Variants in OR10A6 observed in about 807,000 individuals in gnomAD.
OR10A6 encodes the protein olfactory receptor 10A6.
A neutral mutation model predicts 1.5 loss-of-function variants in OR10A6; 2 were observed. The observed-to-expected ratio is 1.31, with a 90% CI of 0.54 to 4.13. OR10A6 has a LOEUF of 4.13. Ranked by LOEUF, OR10A6 falls within the 30% of genes most tolerant of loss-of-function variation. The probability of loss-of-function intolerance (pLI) is 0.07; values close to 1 mark genes in which losing one functional copy is unlikely to be tolerated. For synonymous variants in OR10A6, 169 were observed against 137.3 expected (o/e 1.23, Z -1.61); for missense variants, 492 against 368.6 (o/e 1.33, Z -2.74).
chr11:7,928,546 C>T lies in OR10A6; in HGVS notation c.117G>A (p.Leu39=). 1 of 1,613,724 alleles carries T rather than the reference C, an allele frequency of 6.2e-7. No homozygotes were observed. Among genetic ancestry groups the T allele is most frequent in the South Asian group, 1.1e-5 (1 of 91,064 alleles). ...VAFLVIYLVT[L]IGNAIIIVIV... ...TGACTATAATAATGGCATTTCCTAT[C>T]AGGGTCACCAGATAAATAACCAGGA... is the stretch of plus-strand genomic sequence containing the variant. Residue 39 remains leucine (L), a synonymous_variant, in exon 4 of 4, where the codon CTG becomes CTA. Transcript: ENST00000641238.
intron 3 of OR10A6, 102 bp from the exon 4 acceptor site, chr11:7,930,617 G>C (rs1189000689): frequency 5.9e-5 from 9 of 152,050 alleles, no homozygotes; most frequent in East Asian, 1.9e-4. Context: ...CACAAAAATT[G>C]TACTGTATTT....
chr11:7,926,576 A>C lies in OR10A6; in HGVS notation c.*1142T>G, dbSNP rs1050762070. 1 of 152,104 alleles carries C rather than the reference A, an allele frequency of 6.6e-6. No individual in the cohort carries two copies. Among genetic ancestry groups the C allele is most frequent in the African/African-American group, 2.4e-5 (1 of 41,426 alleles). 9.4% of individuals were successfully genotyped at this position (152,104 alleles called of 1,614,324 possible). The stretch of plus-strand genomic sequence containing the variant: ...AAAAGAAGGGTTTTCCATCCAATGA[A>C]TGATTGTTTTGTAGAAGTGTTCTAA... On this transcript the variant is annotated 3_prime_UTR_variant, in exon 4 of 4. Transcript: ENST00000641238.
In OR10A6 at chr11:7,930,258, G is replaced by A. The variant is rs1399806869; in HGVS notation, c.-1596C>T. 2.0e-5 allele frequency: 3 copies of A among 151,886 alleles called. No individual in the cohort carries two copies. The highest frequency in any genetic ancestry group is 2.1e-4 in the South Asian group (1 of 4,806). 9.4% of individuals were successfully genotyped at this position (151,886 alleles called of 1,614,324 possible). The stretch of plus-strand genomic sequence containing the variant: ...GTAAGGGAATGATGACATTTGAAGG[G>A]GGTGGAGGATGAACAAACACAATCA... On this transcript the variant is annotated 5_prime_UTR_variant, in exon 4 of 4. Transcript: ENST00000641238.
In OR10A6 at chr11:7,925,710, T is replaced by C. The variant is rs1470670931; in HGVS notation, c.*2008A>G. ...TTCGTTTTACATAAGTCTTACTTAATTGGTTCTTTTAAAAGCTATCAGAAG... is the reference window on the plus strand; with the variant it reads ...TTCGTTTTACATAAGTCTTACTTAACTGGTTCTTTTAAAAGCTATCAGAAG... On this transcript the variant is annotated 3_prime_UTR_variant, in exon 4 of 4. Transcript: ENST00000641238. The C allele has an allele frequency of 1.3e-5, 2 of 152,240 alleles. No homozygotes were observed. The highest frequency in any genetic ancestry group is 2.9e-5 in the Non-Finnish European group (2 of 68,042). The allele number at this position is 152,240 out of a possible 1,614,324, so 9.4% of individuals were successfully genotyped here.
rs1030130520 is a variant in OR10A6 at position 7,928,881 on chromosome 11, C to T, written c.-219G>A. The stretch of plus-strand genomic sequence containing the variant: ...AAAATAGAAATGAAGAATTCTGGCT[C>T]AGAGATCTTGTCAAATAATATCAAA... On this transcript the variant is annotated 5_prime_UTR_variant, in exon 4 of 4. Coordinates refer to ENST00000641238, the MANE Select transcript of OR10A6 (RefSeq NM_001004461.2). 2.5e-6 allele frequency: 1 copy of T among 402,868 alleles called. No homozygotes were observed. The highest frequency in any genetic ancestry group is 4.1e-5 in the Admixed American group (1 of 24,128). 25.0% of individuals were successfully genotyped at this position (402,868 alleles called of 1,614,324 possible).
At position 7,929,595 on chromosome 11, in the gene OR10A6, A is replaced by G. The variant is rs1859484934; in HGVS notation, c.-933T>C. On this transcript the variant is annotated 5_prime_UTR_variant, in exon 4 of 4. Transcript: ENST00000641238. ...GGAATACACATGAATCCAGAGCTCA[A>G]CAGAGAGCTAAGCACACTACATAAA... is the stretch of plus-strand genomic sequence containing the variant. 1 of 151,412 alleles carries G rather than the reference A, an allele frequency of 6.6e-6. No homozygotes were observed. The highest frequency in any genetic ancestry group is 1.5e-5 in the Non-Finnish European group (1 of 67,852). 9.4% of individuals were successfully genotyped at this position (151,412 alleles called of 1,614,324 possible). A position where few individuals can be genotyped will look rare whatever the true frequency, so the allele number is the denominator to read the frequency against.
In OR10A6 at chr11:7,929,966, G is replaced by GTATATATATGTGTGTGTATATATATA. The variant is rs58402229; in HGVS notation, c.-1305_-1304insTATATATATACACACACATATATATA. ...TCTAGTAAGGTATGTGTATGTGTAT[G>GTATATATATGTGTGTGTATATATATA]TATATATATATATATATATATATAT... On this transcript the variant is annotated 5_prime_UTR_variant, in exon 4 of 4. Transcript: ENST00000641238. The GTATATATATGTGTGTGTATATATATA allele has an allele frequency of 1.7e-5, 1 of 57,262 alleles. No individual in the cohort carries two copies. Among genetic ancestry groups the GTATATATATGTGTGTGTATATATATA allele is most frequent in the Non-Finnish European group, 3.2e-5 (1 of 31,394 alleles). 3.5% of individuals were successfully genotyped at this position (57,262 alleles called of 1,614,324 possible).
chr11:7,929,366 C>T lies in OR10A6; in HGVS notation c.-704G>A, dbSNP rs931726586. 3 of 152,096 alleles carry T rather than the reference C, an allele frequency of 2.0e-5. No homozygotes were observed. Among genetic ancestry groups the T allele is most frequent in the Non-Finnish European group, 4.4e-5 (3 of 68,002 alleles). 9.4% of individuals were successfully genotyped at this position (152,096 alleles called of 1,614,324 possible). ...GGATGTGAAGTTTTTGGGGCCAGAT[C>T]TCCAAGGTCTATCCTTCTGACCATG... On this transcript the variant is annotated 5_prime_UTR_variant, in exon 4 of 4. Coordinates refer to ENST00000641238, the MANE Select transcript of OR10A6 (RefSeq NM_001004461.2).
rs149310161 is a variant in OR10A6 at position 7,928,298 on chromosome 11, C to A, written c.365G>T (p.Arg122Leu). Residue 122 changes from arginine (R) to leucine (L), a missense_variant, in exon 4 of 4, where the codon CGA (arginine) becomes CTA (leucine). Transcript: ENST00000641238. ...GAGAGGATGGCAAATTGCAGCAAAT[C>A]GGTCATAAGCCATTGCTCCCAGAAG... is the stretch of plus-strand genomic sequence containing the variant. ...CFLLGAMAYDRFAAICHPLNY... is the reference protein window; with the variant it reads ...CFLLGAMAYDLFAAICHPLNY... 322 of 1,613,740 alleles carry A rather than the reference C, an allele frequency of 2.0e-4. 1 individual carries two copies. In the African/African-American group the frequency reaches 3.8e-3, roughly 19 times the overall value.
rs1287255751 is a variant in OR10A6 at position 7,927,555 on chromosome 11, C to G, written c.*163G>C. ...TATGCACTGGTGAAAAAACTAAAAA[C>G]ATTAACATATAAAGATGCTCCTGAT... On this transcript the variant is annotated 3_prime_UTR_variant, in exon 4 of 4. Transcript: ENST00000641238. 1.1e-5 allele frequency: 6 copies of G among 535,336 alleles called. No homozygotes were observed. The African/African-American group carries it at 1.1e-4, about 10-fold the overall frequency. 33.2% of individuals were successfully genotyped at this position (535,336 alleles called of 1,614,324 possible). A position where few individuals can be genotyped will look rare whatever the true frequency, so the allele number is the denominator to read the frequency against.
In OR10A6 at chr11:7,928,129, A is replaced by G. The variant is rs1564866289; in HGVS notation, c.534T>C (p.Ser178=). The change falls in exon 4 of 4, where the codon TCT becomes TCC. Residue 178 remains serine (S), a synonymous_variant. Coordinates refer to ENST00000641238, the MANE Select transcript of OR10A6 (RefSeq NM_001004461.2). ...FCGLNEINHI[S]CETPAVLELA... The stretch of plus-strand genomic sequence containing the variant: ...GTTCTAACACTGCTGGGGTTTCACA[A>G]GATATATGGTTAATTTCATTAAGGC... 1 of 1,614,066 alleles carries G rather than the reference A, an allele frequency of 6.2e-7. No homozygotes were observed. The highest frequency in any genetic ancestry group is 8.5e-7 in the Non-Finnish European group (1 of 1,179,994).
Position 7,928,526 on chromosome 11 carries a change from A to G in OR10A6, c.137T>C (p.Ile46Thr), listed in dbSNP as rs377657725. ...LVTLIGNAII[I>T]VIVSLDQSLH... is the part of the protein sequence containing the mutation. ...GCTCTGGTCTAGGGAGACGATGACT[A>G]TAATAATGGCATTTCCTATCAGGGT... Residue 46 changes from isoleucine (I) to threonine (T), a missense_variant, in exon 4 of 4, where the codon ATA becomes ACA. Physicochemically the swap from Ile to Thr is moderately conservative, Grantham distance 89 (BLOSUM62 -1). Coordinates refer to ENST00000641238, the MANE Select transcript of OR10A6 (RefSeq NM_001004461.2). The G allele has an allele frequency of 1.9e-6, 3 of 1,613,834 alleles. No homozygotes were observed. The highest frequency in any genetic ancestry group is 2.2e-5 in the East Asian group (1 of 44,880).
chr11:7,928,431 T>C lies in OR10A6; in HGVS notation c.232A>G (p.Met78Val). 6.2e-7 allele frequency: 1 copy of C among 1,613,542 alleles called. No homozygotes were observed. The highest frequency in any genetic ancestry group is 8.5e-7 in the Non-Finnish European group (1 of 1,179,586). The change falls in exon 4 of 4, where the codon ATG becomes GTG. Residue 78 changes from methionine (M) to valine (V), a missense_variant. By Grantham distance (21) the Met-to-Val change is conservative (BLOSUM62 1). Coordinates refer to ENST00000641238, the MANE Select transcript of OR10A6 (RefSeq NM_001004461.2). Reference sequence around the variant, plus strand: ...GAGAGGACCACCAGCATTTCAGGCATAATAACTGCACTGAAACTCAGGTCC... The same window carrying C: ...GAGAGGACCACCAGCATTTCAGGCACAATAACTGCACTGAAACTCAGGTCC... ...VVDLSFSAVI[M>V]PEMLVVLSTE...
At position 7,927,743 on chromosome 11, in the gene OR10A6, C is replaced by T. The variant is rs1232857758; in HGVS notation, c.920G>A (p.Arg307Lys). 2 of 1,613,300 alleles carry T rather than the reference C, an allele frequency of 1.2e-6. No homozygotes were observed. Among genetic ancestry groups the T allele is most frequent in the Non-Finnish European group, 1.7e-6 (2 of 1,179,510 alleles). The change falls in exon 4 of 4, where the codon AGG becomes AAG. Residue 307 changes from arginine (R) to lysine (K), a missense_variant. By Grantham distance (26) the Arg-to-Lys change is conservative (BLOSUM62 2). Transcript: ENST00000641238. Reference protein sequence around the residue: ...MKRALMKLWRRRVVLHTI With the variant: ...MKRALMKLWRKRVVLHTI ...TCAGATTGTGTGTAAAACCACTCGC[C>T]TTCGCCATAATTTCATCAAAGCCCT...
At position 7,927,786 on chromosome 11, in the gene OR10A6, G is replaced by T; in HGVS notation, c.877C>A (p.Arg293=). 1.2e-6 allele frequency: 2 copies of T among 1,613,792 alleles called. No homozygotes were observed. The highest frequency in any genetic ancestry group is 2.2e-5 in the South Asian group (2 of 91,062). ...AAAGCCCTCTTCATCTCACTATTTCGCAAACTGTAGATAAGCAGATTCAGC... is the reference window on the plus strand; with the variant it reads ...AAAGCCCTCTTCATCTCACTATTTCTCAAACTGTAGATAAGCAGATTCAGC... ...PLLNLLIYSL[R]NSEMKRALMK... The change falls in exon 4 of 4, where the codon CGA becomes AGA. Residue 293 remains arginine, a synonymous_variant. Transcript: ENST00000641238.
chr11:7,929,488 G>A lies in OR10A6; in HGVS notation c.-826C>T, dbSNP rs561097340. The A allele has an allele frequency of 7.3e-5, 11 of 151,322 alleles. No homozygotes were observed. The highest frequency in any genetic ancestry group is 1.9e-4 in the East Asian group (1 of 5,142). The allele number at this position is 151,322 out of a possible 1,614,324, so 9.4% of individuals were successfully genotyped here. On this transcript the variant is annotated 5_prime_UTR_variant, in exon 4 of 4. The change creates a new upstream start codon in the 5' untranslated region. Transcript: ENST00000641238. ...TCTCTTCTCTCTTCCCACTATACTC[G>A]TCATCAAAAAATTCATTTAATCATT...
Position 7,927,653 on chromosome 11 carries a change from A to G in OR10A6, c.*65T>C. The G allele has an allele frequency of 8.8e-7, 1 of 1,130,602 alleles. No individual in the cohort carries two copies. Among genetic ancestry groups the G allele is most frequent in the Non-Finnish European group, 1.3e-6 (1 of 789,928 alleles). 70.0% of individuals were successfully genotyped at this position (1,130,602 alleles called of 1,614,324 possible). ...AAAAATGCAAACTTAATGAATCTAA[A>G]TTTATTAAATTTAGATTGAATACAG... On this transcript the variant is annotated 3_prime_UTR_variant, in exon 4 of 4. Transcript: ENST00000641238.
At position 7,929,420 on chromosome 11, in the gene OR10A6, A is replaced by G. The variant is rs1859481847; in HGVS notation, c.-758T>C. 6.6e-6 allele frequency: 1 copy of G among 152,046 alleles called. No individual in the cohort carries two copies. The highest frequency in any genetic ancestry group is 2.4e-5 in the African/African-American group (1 of 41,478). 9.4% of individuals were successfully genotyped at this position (152,046 alleles called of 1,614,324 possible). On this transcript the variant is annotated 5_prime_UTR_variant, in exon 4 of 4. Transcript: ENST00000641238. Reference sequence around the variant, plus strand: ...ACTTAAGAAAAAAACCATTTGGGGGATCATTGTGTAATTTAAAAGATTTCA... The same window carrying G: ...ACTTAAGAAAAAAACCATTTGGGGGGTCATTGTGTAATTTAAAAGATTTCA...
In OR10A6 at chr11:7,927,829, G is replaced by A; in HGVS notation, c.834C>T (p.Tyr278=). 6.2e-7 allele frequency: 1 copy of A among 1,613,620 alleles called. No homozygotes were observed. The highest frequency in any genetic ancestry group is 8.5e-7 in the Non-Finnish European group (1 of 1,179,612). The change falls in exon 4 of 4, where the codon TAC becomes TAT. Residue 278 remains tyrosine (Y), a synonymous_variant. Coordinates refer to ENST00000641238, the MANE Select transcript of OR10A6 (RefSeq NM_001004461.2). Reference sequence around the variant, plus strand: ...GATTCAGCAGTGGTGTCAGAAGTGAGTAAGACAATGACATCACTTTCTTGG... The same window carrying A: ...GATTCAGCAGTGGTGTCAGAAGTGAATAAGACAATGACATCACTTTCTTGG... The part of the protein sequence containing the change: ...PETKKVMSLS[Y]SLLTPLLNLL...
Sources: gnomAD v4.1 joint callset for allele counts on GRCh38, gnomAD v4.1.1 for gene constraint, MANE v1.5 for transcripts, NCBI Gene and HGNC (gene_info 2026-07-23, HGNC 2026-07-21) for gene names.